The following B3GALT1 variants were observed in gnomAD, a reference collection of about 807,000 sequenced individuals.
B3GALT1 encodes UDP-Gal:betaGlcNAc beta 1,3-galactosyltransferase, polypeptide 1.
Under a neutral mutation model 23.2 loss-of-function variants are expected in B3GALT1, and 10 were observed. The ratio of observed to expected loss-of-function variants is 0.43; its 90% CI spans 0.27 to 0.73. The LOEUF (loss-of-function observed/expected upper bound fraction) is 0.73. Ranked by LOEUF, B3GALT1 falls within the 30% of genes least tolerant of loss-of-function variation. The pLI, the probability that B3GALT1 is intolerant of heterozygous loss-of-function variation, is 0.21. For missense variants in B3GALT1, 299 were observed against 405.4 expected, an observed-to-expected ratio of 0.74 and a Z score of 2.25; for synonymous variants, 156 against 141.5, an observed-to-expected ratio of 1.10 and a Z score of -0.73.
intron 1 of B3GALT1, among the ~76,000 whole-genome samples, chr2:167,473,158 C>T (rs372461227): frequency 8.9e-4 from 135 of 152,246 alleles, no homozygotes; most frequent in African/African-American, 3.1e-3. Context: ...TCCATAAATA[C>T]TTATTGGACA....
chr2:167,775,792 C>T (rs777502144), intron 3 of B3GALT1, among the ~76,000 whole-genome samples: 1 of 151,438 alleles, frequency 6.6e-6, no homozygotes, highest in Non-Finnish European at 1.5e-5. Context: ...TGACCAGCAA[C>T]ATCTTTACAT....
chr2:167,627,146 A>T (rs1198251668), intron 2 of B3GALT1, among the ~76,000 whole-genome samples: 1 of 151,540 alleles, frequency 6.6e-6, no homozygotes, highest in Non-Finnish European at 1.5e-5. Flanking sequence ...AAGTTTATCT[A>T]ATCTATAATG....
chr2:167,810,353 A>G (rs1688860191), intron 3 of B3GALT1, among the ~76,000 whole-genome samples: 1 of 149,870 alleles, frequency 6.7e-6, no homozygotes, highest in South Asian at 2.1e-4. Flanking sequence ...TGCAGAAATC[A>G]CCCGTCTTCT....
rs532958087 is a variant in B3GALT1, at chr2:167,595,417, G to A, written c.-409-51492G>A. 7.2e-4 allele frequency among the ~76,000 whole-genome samples: 109 copies of A among 152,282 alleles called. 3 individuals are homozygous for A. The South Asian group carries it at 0.021, about 30-fold the overall frequency. On this transcript the variant is annotated intron_variant, in intron 2 of 4. Coordinates refer to ENST00000392690, the MANE Select transcript of B3GALT1 (RefSeq NM_020981.4). Reference sequence around the variant, plus strand: ...AACACAATTAGAGCAACATGGTCCCGTTAAATCATAGGTGACTAAAAGCCT... The same window carrying A: ...AACACAATTAGAGCAACATGGTCCCATTAAATCATAGGTGACTAAAAGCCT...
chr2:167,646,792 G>C (rs997561991), intron 2 of B3GALT1, among the ~76,000 whole-genome samples, 117 bp from the exon 3 acceptor site: 1 of 152,142 alleles, frequency 6.6e-6, no homozygotes, highest in African/African-American at 2.4e-5. Context: ...CACCATTTTT[G>C]TGACAATAAA....
intron 1 of B3GALT1, among the ~76,000 whole-genome samples, chr2:167,358,823 A>T (rs1307967585): frequency 2.0e-5 from 3 of 152,064 alleles, no homozygotes; most frequent in African/African-American, 7.2e-5. Flanking sequence ...TATTTTTTTG[A>T]GACAGAATCC....
At chr2:167,376,998 A>T (rs1159835812) in intron 1 of B3GALT1, among the ~76,000 whole-genome samples, 1 of 152,058 alleles carries the variant, frequency 6.6e-6, no homozygotes, top group African/African-American at 2.4e-5. Context: ...TTTGTTCTTA[A>T]CACTGTTTTT....
chr2:167,464,184 C>T (rs1447244669), intron 1 of B3GALT1, among the ~76,000 whole-genome samples: 1 of 151,210 alleles, frequency 6.6e-6, no homozygotes, highest in East Asian at 1.9e-4. Context: ...AAAAAAGGAT[C>T]TATTTTCACT....
In B3GALT1 at chr2:167,309,682, T is replaced by C. The variant is rs551483411; in HGVS notation, c.-511+16348T>C. On this transcript the variant is annotated intron_variant, in intron 1 of 4. Transcript: ENST00000392690. ...AACCCAATTCATTAACAATGAAGGG[T>C]AAAATAATCTGCAAAAAAGTTAAGT... 2.1e-4 allele frequency among the ~76,000 whole-genome samples: 32 copies of C among 152,194 alleles called. No homozygotes were observed. In the South Asian group the frequency reaches 6.0e-3, roughly 29 times the overall value.
At chr2:167,385,030 A>G (rs12995342) in intron 1 of B3GALT1, among the ~76,000 whole-genome samples, 9,215 of 152,114 alleles carry the variant, frequency 0.061, 395 homozygotes, top group Middle Eastern at 0.17. Flanking sequence ...AGAATCAGTC[A>G]TCTCATTTAA....
intron 2 of B3GALT1, among the ~76,000 whole-genome samples, chr2:167,639,490 T>A (rs994382008): frequency 2.0e-5 from 3 of 152,000 alleles, no homozygotes; most frequent in African/African-American, 7.2e-5. Context: ...GAAAGCCCAT[T>A]CTTTTGGGTA....
chr2:167,824,889 C>CAATT (rs1191404283), intron 4 of B3GALT1, among the ~76,000 whole-genome samples: 1 of 152,114 alleles, frequency 6.6e-6, no homozygotes, highest in African/African-American at 2.4e-5. Flanking sequence ...TCCAAGTACA[C>CAATT]AATTAGATGT....
At chr2:167,482,209 T>C (rs2105336836) in intron 1 of B3GALT1, among the ~76,000 whole-genome samples, 1 of 152,324 alleles carries the variant, frequency 6.6e-6, no homozygotes, top group South Asian at 2.1e-4. Flanking sequence ...CTGACTCTAA[T>C]ATTACTAAAC....
chr2:167,707,819 A>G (rs987911124), intron 3 of B3GALT1, among the ~76,000 whole-genome samples: 1 of 152,246 alleles, frequency 6.6e-6, no homozygotes, highest in Admixed American at 6.5e-5. Context: ...TTATTCTGCT[A>G]TCACAACACG....
chr2:167,414,764 G>T (rs1698442149), intron 1 of B3GALT1, among the ~76,000 whole-genome samples: 1 of 152,122 alleles, frequency 6.6e-6, no homozygotes, highest in Non-Finnish European at 1.5e-5. Context: ...TAATAAGTTT[G>T]CAGTAATATG....
intron 3 of B3GALT1, among the ~76,000 whole-genome samples, chr2:167,812,440 G>GT (rs1688907971): frequency 6.6e-6 from 1 of 152,180 alleles, no homozygotes; most frequent in Non-Finnish European, 1.5e-5. Context: ...CTGTTTGCTT[G>GT]TTATAAAGGT....
chr2:167,565,007 T>G, intron 2 of B3GALT1, among the ~76,000 whole-genome samples: 1 of 152,168 alleles, frequency 6.6e-6, no homozygotes. Flanking sequence ...AAAAAACTAC[T>G]TTAAATTTCA....
At chr2:167,565,603 A>G (rs981593843) in intron 2 of B3GALT1, among the ~76,000 whole-genome samples, 11 of 152,168 alleles carry the variant, frequency 7.2e-5, no homozygotes, top group African/African-American at 2.7e-4. Flanking sequence ...TTCGCAACCT[A>G]CTCATCTGAC....
intron 3 of B3GALT1, among the ~76,000 whole-genome samples, chr2:167,809,409 G>C (rs1688831309): frequency 6.6e-6 from 1 of 152,060 alleles, no homozygotes. Context: ...CCCTATCTTT[G>C]TGGTTTTATC....
Sources: allele counts gnomAD v4.1 joint callset (sites outside exome capture counted in the v4.1 genomes callset), GRCh38; gene constraint gnomAD v4.1.1; transcripts MANE v1.5; gene names NCBI Gene and HGNC (gene_info 2026-07-23, HGNC 2026-07-21).